The following PARN variants were observed in gnomAD, a reference collection of about 807,000 sequenced individuals.
The protein encoded by PARN is poly(A)-specific ribonuclease PARN.
A neutral mutation model predicts 102.8 loss-of-function variants in PARN; 71 were observed. The ratio of observed to expected loss-of-function variants is 0.69; its 90% CI spans 0.57 to 0.84. The LOEUF (loss-of-function observed/expected upper bound fraction) is 0.84. Ranked by LOEUF, PARN falls within the 40% of genes least tolerant of loss-of-function variation. The pLI is 0.00. For synonymous variants in PARN, 261 were observed against 252.9 expected (o/e 1.03, Z -0.30); for missense variants, 782 against 760.9 (o/e 1.03, Z -0.33).
Position 14,554,052 on chromosome 16 carries a change from A to G in PARN, c.1405+13T>C, listed in dbSNP as rs755334130. 4 of 1,583,884 alleles carry G rather than the reference A, an allele frequency of 2.5e-6. No individual in the cohort carries two copies. In the African/African-American group the frequency reaches 4.0e-5, roughly 16 times the overall value. Reference sequence around the variant, plus strand: ...GCAAAACCCTAAAAAGTACATCTGAACTTGCGACTTACCAAAGGCACTGAA... The same window carrying G: ...GCAAAACCCTAAAAAGTACATCTGAGCTTGCGACTTACCAAAGGCACTGAA... On this transcript the variant is annotated intron_variant, in intron 20 of 23. Coordinates refer to ENST00000437198, the MANE Select transcript of PARN (RefSeq NM_002582.4).
intron 22 of PARN, among the ~76,000 whole-genome samples, chr16:14,473,089 T>C (rs1962840003): frequency 6.6e-6 from 1 of 152,256 alleles, no homozygotes; most frequent in East Asian, 1.9e-4. Context: ...CCAAATCTTT[T>C]ATAGTAGTAA....
At chr16:14,571,397 G>A (rs907949272) in intron 18 of PARN, among the ~76,000 whole-genome samples, 1 of 150,418 alleles carries the variant, frequency 6.6e-6, no homozygotes, top group Non-Finnish European at 1.5e-5. Flanking sequence ...ACACAATACA[G>A]AACTAAGAGT....
Position 14,454,490 on chromosome 16 carries a change from C to A in PARN, c.1671-7409G>T, listed in dbSNP as rs189976878. 1.1e-4 allele frequency among the ~76,000 whole-genome samples: 17 copies of A among 152,294 alleles called. No individual in the cohort carries two copies. In the East Asian group the frequency reaches 3.1e-3, roughly 28 times the overall value. The stretch of plus-strand genomic sequence containing the variant: ...ATATCTAAGAAATCTCTGCCTAATG[C>A]AAGATACTAAGATCTCCTTTCATTT... On this transcript the variant is annotated intron_variant, in intron 22 of 23. Coordinates refer to ENST00000437198, the MANE Select transcript of PARN (RefSeq NM_002582.4).
chr16:14,630,026 A>G, intron 1 of PARN, 81 bp downstream of exon 1: 1 of 1,317,134 alleles, frequency 7.6e-7, no homozygotes, highest in Non-Finnish European at 1.1e-6. Context: ...GCCCAGCCAA[A>G]CACGCCGGCC....
intron 16 of PARN, among the ~76,000 whole-genome samples, chr16:14,584,031 A>G (rs904783612): frequency 6.6e-6 from 1 of 152,242 alleles, no homozygotes; most frequent in Non-Finnish European, 1.5e-5. Flanking sequence ...CTCTGCTTCA[A>G]TAATGTATGA....
At chr16:14,479,236 C>T (rs771466313) in intron 22 of PARN, among the ~76,000 whole-genome samples, 1 of 151,940 alleles carries the variant, frequency 6.6e-6, no homozygotes, top group Admixed American at 6.6e-5. Flanking sequence ...TTGGGCAACA[C>T]AGTAAAACCT....
Position 14,466,830 on chromosome 16 carries a change from C to T in PARN, c.1670+15808G>A, listed in dbSNP as rs143253938. ...CTGTATGTTTCTGAAGATGTTCCATCTCTTTGGAAACTGTCATTTTTGGTT... is the reference window on the plus strand; with the variant it reads ...CTGTATGTTTCTGAAGATGTTCCATTTCTTTGGAAACTGTCATTTTTGGTT... On this transcript the variant is annotated intron_variant, in intron 22 of 23. Coordinates refer to ENST00000437198, the MANE Select transcript of PARN (RefSeq NM_002582.4). Among the ~76,000 whole-genome samples, 1,366 of 152,332 alleles carry T rather than the reference C, an allele frequency of 9.0e-3. 24 individuals are homozygous for T. Among genetic ancestry groups the T allele is most frequent in the African/African-American group, 0.031 (1,287 of 41,566 alleles).
chr16:14,617,598 A>G lies in PARN; in HGVS notation c.380T>C (p.Phe127Ser). Reference sequence around the variant, plus strand: ...GTTACCCATAATCTTACCATTTCGAAAAACTTTATTAAAATCAAATCCCTG... The same window carrying G: ...GTTACCCATAATCTTACCATTTCGAGAAACTTTATTAAAATCAAATCCCTG... The part of the protein sequence containing the change: ...ASQGFDFNKV[F>S]RNGIPYLNQE... Residue 127 changes from phenylalanine (F) to serine (S), a missense_variant, in exon 6 of 24, where the codon TTT (phenylalanine) becomes TCT (serine). Transcript: ENST00000437198. The G allele has an allele frequency of 6.4e-7, 1 of 1,556,506 alleles. No individual in the cohort carries two copies. The highest frequency in any genetic ancestry group is 8.9e-7 in the Non-Finnish European group (1 of 1,127,524).
rs187857216 is a variant in PARN at position 14,526,106 on chromosome 16, C to A, written c.1480+25915G>T. Among the ~76,000 whole-genome samples, 628 of 152,024 alleles carry A rather than the reference C, an allele frequency of 4.1e-3. 3 individuals are homozygous for A. Among genetic ancestry groups the A allele is most frequent in the Middle Eastern group, 0.017 (5 of 294 alleles). On this transcript the variant is annotated intron_variant, in intron 21 of 23. Coordinates refer to ENST00000437198, the MANE Select transcript of PARN (RefSeq NM_002582.4). ...GTGCTGGGATTACAGGCATGAGCCA[C>A]CACCTATAACCAAATTTTCTACATG...
At chr16:14,561,269 G>A (rs566311549) in intron 18 of PARN, among the ~76,000 whole-genome samples, 3 of 151,554 alleles carry the variant, frequency 2.0e-5, no homozygotes, top group Non-Finnish European at 4.4e-5. Flanking sequence ...CTAGAATATA[G>A]AACCTTGAAC....
intron 22 of PARN, among the ~76,000 whole-genome samples, chr16:14,478,024 TTA>T (rs1248429067): frequency 6.6e-6 from 1 of 151,924 alleles, no homozygotes; most frequent in Non-Finnish European, 1.5e-5. Flanking sequence ...AATCAAAATA[TTA>T]ACAAAATAAA....
At chr16:14,460,663 A>T (rs1406472748) in intron 22 of PARN, among the ~76,000 whole-genome samples, 1 of 152,266 alleles carries the variant, frequency 6.6e-6, no homozygotes, top group Non-Finnish European at 1.5e-5. Context: ...CAAAAGGTAA[A>T]GCCACAACAT....
At chr16:14,511,312 T>C (rs1240679303) in intron 21 of PARN, among the ~76,000 whole-genome samples, 2 of 152,170 alleles carry the variant, frequency 1.3e-5, no homozygotes, top group African/African-American at 4.8e-5. Context: ...CACAAGGCTA[T>C]ACCCTCAACA....
chr16:14,554,395 C>T (rs2151709113), intron 19 of PARN, among the ~76,000 whole-genome samples: 1 of 152,074 alleles, frequency 6.6e-6, no homozygotes, highest in Middle Eastern at 3.4e-3. Context: ...ATCTTCTCTT[C>T]TCATGAAGTT....
intron 18 of PARN, among the ~76,000 whole-genome samples, chr16:14,573,954 G>A (rs952674564): frequency 2.0e-5 from 3 of 152,214 alleles, no homozygotes; most frequent in Admixed American, 6.5e-5. Flanking sequence ...GTACTGGGGC[G>A]GGAGAGGGGG....
At chr16:14,518,653 G>A (rs2151648141) in intron 21 of PARN, among the ~76,000 whole-genome samples, 1 of 152,184 alleles carries the variant, frequency 6.6e-6, no homozygotes, top group Non-Finnish European at 1.5e-5. Flanking sequence ...ATGGAAGGAT[G>A]AAGCAAAACA....
At chr16:14,586,122 G>A (rs962917104) in intron 14 of PARN, among the ~76,000 whole-genome samples, 196 bp downstream of exon 14, 48 of 151,606 alleles carry the variant, frequency 3.2e-4, no homozygotes, top group African/African-American at 9.4e-4. Flanking sequence ...TGGACCACAC[G>A]TATCCCACCA....
chr16:14,574,574 G>A (rs559989419), intron 18 of PARN, among the ~76,000 whole-genome samples: 15 of 152,176 alleles, frequency 9.9e-5, no homozygotes, highest in East Asian at 3.9e-4. Flanking sequence ...TTAGCTGGGC[G>A]TGGTGGCGCA....
chr16:14,610,625 T>C lies in PARN; in HGVS notation c.554+19A>G, dbSNP rs1971468748. The C allele has an allele frequency of 6.5e-7, 1 of 1,535,696 alleles. No homozygotes were observed. Among genetic ancestry groups the C allele is most frequent in the Admixed American group, 1.7e-5 (1 of 59,832 alleles). ...TATATAGCACACAATGCACGCTTAG[T>C]TTTAATTTAGGAACTTACACCACTT... On this transcript the variant is annotated intron_variant, in intron 7 of 23. Coordinates refer to ENST00000437198, the MANE Select transcript of PARN (RefSeq NM_002582.4).
Sources: allele counts gnomAD v4.1 joint callset (sites outside exome capture counted in the v4.1 genomes callset), GRCh38; gene constraint gnomAD v4.1.1; transcripts MANE v1.5; gene names NCBI Gene and HGNC (gene_info 2026-07-23, HGNC 2026-07-21).